Variants in TENM3 observed in about 807,000 individuals in gnomAD.
TENM3 encodes the protein teneurin-3.
A neutral mutation model predicts 255.1 loss-of-function variants in TENM3; 63 were observed. The ratio of observed to expected loss-of-function variants is 0.25; its 90% CI spans 0.20 to 0.30. TENM3 has a LOEUF of 0.30. Among genes scored for constraint, TENM3 ranks in the 10% least tolerant of loss-of-function variants. TENM3 has a pLI of 1.00. For missense variants in TENM3, 2,929 were observed against 3,461.1 expected (o/e 0.85, Z 3.86); for synonymous variants, 1,306 against 1,322.3 (o/e 0.99, Z 0.27).
At chr4:181,735,722 C>T in the TENM3 span, among the ~76,000 whole-genome samples, 2 of 152,122 alleles carry the variant, frequency 1.3e-5, no homozygotes, top group South Asian at 4.1e-4. Context: ...CAAACCCACA[C>T]ATTCTAGTAG....
At chr4:182,388,601 T>A (rs955782951) in intron 3 of TENM3, among the ~76,000 whole-genome samples, 1 of 152,232 alleles carries the variant, frequency 6.6e-6, no homozygotes, top group Non-Finnish European at 1.5e-5. Context: ...CTCTGCTGGC[T>A]TTTCAAACAT....
the TENM3 span, among the ~76,000 whole-genome samples, chr4:181,662,821 C>A: frequency 6.6e-6 from 1 of 152,170 alleles, no homozygotes; most frequent in African/African-American, 2.4e-5. Context: ...ATTAGGATTA[C>A]TATTTTACCC....
chr4:182,582,511 G>A (rs766473312), intron 3 of TENM3, among the ~76,000 whole-genome samples: 3 of 150,904 alleles, frequency 2.0e-5, no homozygotes, highest in African/African-American at 4.9e-5. Context: ...GTATTCCACC[G>A]GCCTATGTGT....
chr4:182,505,526 T>C (rs575974298), intron 3 of TENM3, among the ~76,000 whole-genome samples: 1 of 152,256 alleles, frequency 6.6e-6, no homozygotes, highest in Non-Finnish European at 1.5e-5. Context: ...TTGCCCAGGC[T>C]GGAGTGCAAT....
chr4:182,411,042 A>G (rs1205020827), intron 3 of TENM3, among the ~76,000 whole-genome samples: 1 of 152,140 alleles, frequency 6.6e-6, no homozygotes, highest in Non-Finnish European at 1.5e-5. Flanking sequence ...GTAAAGGAGG[A>G]AATTAAAATA....
At chr4:182,432,849 G>GGGGTGTGTGTGTGTGTGTGTGT (rs747628733) in intron 3 of TENM3, among the ~76,000 whole-genome samples, 1 of 143,078 alleles carries the variant, frequency 7.0e-6, no homozygotes, top group African/African-American at 2.6e-5. Flanking sequence ...AATGGATTTG[G>GGGGTGTGTGTGTGTGTGTGTGT]GTGTGTGTGT....
chr4:182,202,440 G>C (rs1258858109), intron 1 of TENM3, among the ~76,000 whole-genome samples: 1 of 151,806 alleles, frequency 6.6e-6, no homozygotes, highest in African/African-American at 2.4e-5. Context: ...CAAGCAGCTG[G>C]GATTGCAGGC....
chr4:181,913,666 A>T, the TENM3 span, among the ~76,000 whole-genome samples: 19 of 152,136 alleles, frequency 1.2e-4, no homozygotes, highest in Non-Finnish European at 2.6e-4. Context: ...GATAGAGGCT[A>T]GGAGGGGGTT....
intron 1 of TENM3, among the ~76,000 whole-genome samples, chr4:182,186,761 T>TCA (rs1753175895): frequency 2.3e-5 from 1 of 42,938 alleles, no homozygotes; most frequent in African/African-American, 8.6e-5. Context: ...TACTAATGCA[T>TCA]CATATATATA....
chr4:182,656,804 G>C (rs1027120488), intron 6 of TENM3, among the ~76,000 whole-genome samples: 4 of 152,244 alleles, frequency 2.6e-5, no homozygotes, highest in Middle Eastern at 3.4e-3. Context: ...TAAACTCCCT[G>C]CTTGCATTTA....
the TENM3 span, among the ~76,000 whole-genome samples, chr4:181,903,347 A>G: frequency 6.6e-6 from 1 of 152,338 alleles, no homozygotes; most frequent in East Asian, 1.9e-4. Flanking sequence ...ACAGTTGAAC[A>G]GTGTCTAGAA....
At chr4:181,974,894 T>G in the TENM3 span, among the ~76,000 whole-genome samples, 1 of 152,162 alleles carries the variant, frequency 6.6e-6, no homozygotes, top group Non-Finnish European at 1.5e-5. Context: ...ACCCAAATAT[T>G]GAACATTGTA....
the TENM3 span, among the ~76,000 whole-genome samples, chr4:181,735,394 A>G: frequency 6.6e-6 from 1 of 152,334 alleles, no homozygotes; most frequent in Non-Finnish European, 1.5e-5. Context: ...CCAATAATTT[A>G]GATGTCAAGA....
intron 3 of TENM3, among the ~76,000 whole-genome samples, chr4:182,583,333 C>CTGTGTGTGTGTGTG (rs3073440): frequency 3.5e-5 from 5 of 143,514 alleles, no homozygotes; most frequent in Admixed American, 1.4e-4. Flanking sequence ...GCTTAAACCT[C>CTGTGTGTGTGTGTG]TGTGTGTGTG....
intron 3 of TENM3, among the ~76,000 whole-genome samples, chr4:182,495,523 A>C (rs1735693775): frequency 6.6e-6 from 1 of 152,148 alleles, no homozygotes; most frequent in Non-Finnish European, 1.5e-5. Context: ...AAATGACTGT[A>C]TGAATGAAGA....
the TENM3 span, among the ~76,000 whole-genome samples, chr4:181,902,187 C>CAAAAAA: frequency 6.9e-6 from 1 of 144,042 alleles, no homozygotes; most frequent in Non-Finnish European, 1.5e-5. Context: ...TTAAAAGAGC[C>CAAAAAA]AAAAAAAAAA....
intron 3 of TENM3, among the ~76,000 whole-genome samples, chr4:182,530,537 CAGGT>C (rs759192697): frequency 1.3e-5 from 2 of 152,228 alleles, no homozygotes; most frequent in South Asian, 2.1e-4. Context: ...TTCGAGCCCA[CAGGT>C]ATTTATTGTG....
At chr4:182,000,980 C>G in the TENM3 span, among the ~76,000 whole-genome samples, 1 of 142,376 alleles carries the variant, frequency 7.0e-6, no homozygotes, top group Admixed American at 7.3e-5. Flanking sequence ...CTGGCCGAAG[C>G]AGAGAAAGGC....
intron 1 of TENM3, among the ~76,000 whole-genome samples, chr4:182,237,362 G>C (rs556969970): frequency 7.7e-6 from 1 of 130,424 alleles, no homozygotes; most frequent in South Asian, 2.2e-4. Context: ...TTTAAACCCA[G>C]ACATTCTGTT....
Sources: gnomAD v4.1 joint callset for allele counts (sites outside exome capture counted in the v4.1 genomes callset) on GRCh38, gnomAD v4.1.1 for gene constraint, MANE v1.5 for transcripts, NCBI Gene and HGNC (gene_info 2026-07-23, HGNC 2026-07-21) for gene names.